DTNB: variants seen among roughly 807,000 people sequenced by gnomAD.
DTNB encodes dystrobrevin beta.
A neutral mutation model predicts 90.7 loss-of-function variants in DTNB; 63 were observed. The observed-to-expected ratio is 0.69, with a 90% CI of 0.57 to 0.86. The LOEUF (loss-of-function observed/expected upper bound fraction) is 0.86, where lower values mean the gene tolerates loss of function less well. Among genes scored for constraint, DTNB ranks in the 40% least tolerant of loss-of-function variants. DTNB has a pLI of 0.00. For missense variants in DTNB, 744 were observed against 807.1 expected (o/e 0.92, Z 0.95); for synonymous variants, 277 against 286.7 (o/e 0.97, Z 0.34).
At position 25,455,554 on chromosome 2, in the gene DTNB, G is replaced by A. The variant is rs1056871754; in HGVS notation, c.1080-60C>T. 4.3e-6 allele frequency: 6 copies of A among 1,392,872 alleles called. No individual in the cohort carries two copies. In the African/African-American group the frequency reaches 5.7e-5, roughly 13 times the overall value. The allele number at this position is 1,392,872 out of a possible 1,614,324, so 86.3% of individuals were successfully genotyped here. On this transcript the variant is annotated intron_variant, in intron 10 of 20. Transcript: ENST00000406818. ...CACAAACACATACAGAGGGAGAAAT[G>A]AACATGGATTAAAATGAGCAAACTT...
intron 2 of DTNB, among the ~76,000 whole-genome samples, chr2:25,651,523 C>T (rs988725253): frequency 1.3e-5 from 2 of 152,144 alleles, no homozygotes; most frequent in South Asian, 2.1e-4. Flanking sequence ...TTAGAAGCTC[C>T]GAACTACAAA....
chr2:25,469,739 G>C (rs1323908816), intron 10 of DTNB, among the ~76,000 whole-genome samples: 1 of 152,136 alleles, frequency 6.6e-6, no homozygotes, highest in Non-Finnish European at 1.5e-5. Flanking sequence ...ACTGCGCCCA[G>C]TCCCAAGCCA....
chr2:25,402,233 T>C (rs889509620), intron 16 of DTNB, among the ~76,000 whole-genome samples: 2 of 151,926 alleles, frequency 1.3e-5, no homozygotes, highest in Admixed American at 6.6e-5. Context: ...GCTGTGAGAG[T>C]TGGAAATAAC....
intron 9 of DTNB, among the ~76,000 whole-genome samples, chr2:25,525,941 C>T (rs1426081377): frequency 1.3e-5 from 2 of 151,998 alleles, no homozygotes; most frequent in Non-Finnish European, 2.9e-5. Context: ...ACCCAATCCC[C>T]ACCACCTCCA....
chr2:25,425,645 T>C (rs1037139656), intron 15 of DTNB, among the ~76,000 whole-genome samples: 2 of 152,216 alleles, frequency 1.3e-5, no homozygotes, highest in African/African-American at 4.8e-5. Flanking sequence ...AAGATTAAAT[T>C]CACTCCTGTC....
intron 10 of DTNB, among the ~76,000 whole-genome samples, chr2:25,470,334 A>C (rs552215061): frequency 4.6e-5 from 7 of 152,250 alleles, no homozygotes; most frequent in African/African-American, 1.7e-4. Context: ...TTAGCACTGA[A>C]AGTAGCACAT....
chr2:25,584,602 C>T (rs1307750282), intron 6 of DTNB, among the ~76,000 whole-genome samples: 5 of 151,722 alleles, frequency 3.3e-5, no homozygotes, highest in African/African-American at 9.7e-5. Context: ...TTTTGCCCAG[C>T]CTGGAGTGCA....
At chr2:25,662,681 A>ACAAACACAC (rs35419647) in intron 1 of DTNB, among the ~76,000 whole-genome samples, 11 of 104,530 alleles carry the variant, frequency 1.1e-4, no homozygotes, top group Admixed American at 4.6e-4. Context: ...CACACACACA[A>ACAAACACAC]ACACACACAC....
At chr2:25,515,567 C>A (rs1379770209) in intron 9 of DTNB, among the ~76,000 whole-genome samples, 1 of 141,056 alleles carries the variant, frequency 7.1e-6, no homozygotes, top group Non-Finnish European at 1.5e-5. Context: ...AAGTGGATAT[C>A]CATGCATTTA....
chr2:25,628,356 AATCATGTTCCAGATATCAACAAG>A lies in DTNB; in HGVS notation c.154_176del (p.Leu52Ter). On this transcript the variant is annotated frameshift_variant, in exon 4 of 21. Coordinates refer to ENST00000406818, the MANE Select transcript of DTNB (RefSeq NM_021907.5). LOFTEE classifies it high-confidence loss of function. ...TAAGGCCATTGTCTCGGAAGGCTTC[AATCATGTTCCAGATATCAACAAG>A]ATGAACTAAAAGACAAAGAAAATAA... 1 of 1,613,624 alleles carries A rather than the reference AATCATGTTCCAGATATCAACAAG, an allele frequency of 6.2e-7. No individual in the cohort carries two copies. Among genetic ancestry groups the A allele is most frequent in the Non-Finnish European group, 8.5e-7 (1 of 1,179,778 alleles).
intron 10 of DTNB, among the ~76,000 whole-genome samples, chr2:25,472,645 A>G (rs1263542668): frequency 6.6e-6 from 1 of 152,150 alleles, no homozygotes; most frequent in East Asian, 1.9e-4. Context: ...GCACTTTTGG[A>G]GGCCGAGGTA....
intron 5 of DTNB, among the ~76,000 whole-genome samples, chr2:25,603,525 CAGAA>C (rs1214109934): frequency 6.6e-6 from 1 of 152,044 alleles, no homozygotes; most frequent in Non-Finnish European, 1.5e-5. Context: ...ATGTTTTAAA[CAGAA>C]AGTACAAATA....
intron 1 of DTNB, among the ~76,000 whole-genome samples, chr2:25,665,221 C>A (rs1287613346): frequency 6.6e-6 from 1 of 152,124 alleles, no homozygotes; most frequent in East Asian, 1.9e-4. Flanking sequence ...ATTTCTTAAC[C>A]CTGCCAGCTC....
chr2:25,535,980 A>ACTT (rs568150130), intron 8 of DTNB, among the ~76,000 whole-genome samples: 4 of 120,618 alleles, frequency 3.3e-5, no homozygotes, highest in African/African-American at 1.4e-4. Context: ...GGCGCTCCTC[A>ACTT]CCTCCCAGAG....
chr2:25,577,067 GA>G, intron 7 of DTNB, 63 bp from the exon 8 acceptor site: 2 of 1,448,306 alleles, frequency 1.4e-6, no homozygotes, highest in Non-Finnish European at 1.8e-6. Context: ...AATAAAAGAA[GA>G]AAGAATAAAA....
intron 16 of DTNB, among the ~76,000 whole-genome samples, chr2:25,418,235 CCT>C (rs1354441394): frequency 1.3e-5 from 2 of 152,308 alleles, no homozygotes; most frequent in African/African-American, 4.8e-5. Flanking sequence ...CTTCTTTCCC[CCT>C]GACAGTCTGT....
At chr2:25,602,438 G>A (rs1017451976) in intron 5 of DTNB, among the ~76,000 whole-genome samples, 1 of 152,220 alleles carries the variant, frequency 6.6e-6, no homozygotes, top group Non-Finnish European at 1.5e-5. Flanking sequence ...CTACTGAGGA[G>A]AAGGGATGGT....
chr2:25,652,547 A>G, intron 2 of DTNB, 47 bp downstream of exon 2: 1 of 1,556,008 alleles, frequency 6.4e-7, no homozygotes, highest in Non-Finnish European at 8.6e-7. Context: ...AAAAAAAAAA[A>G]ACCACACAAA....
intron 9 of DTNB, among the ~76,000 whole-genome samples, chr2:25,522,503 C>A (rs1191839982): frequency 6.6e-6 from 1 of 151,964 alleles, no homozygotes; most frequent in Non-Finnish European, 1.5e-5. Context: ...AGGAATTCGG[C>A]GGAGAACAAG....
Sources: allele counts gnomAD v4.1 joint callset (sites outside exome capture counted in the v4.1 genomes callset), GRCh38; gene constraint gnomAD v4.1.1; transcripts MANE v1.5; gene names NCBI Gene and HGNC (gene_info 2026-07-23, HGNC 2026-07-21).